Variants in SLC4A5 observed in about 807,000 individuals in gnomAD.
SLC4A5 encodes solute carrier family 4 member 5.
In SLC4A5, 96 loss-of-function variants were observed where a neutral mutation model predicts 120.4. The ratio of observed to expected loss-of-function variants is 0.80; its 90% CI spans 0.68 to 0.94. The LOEUF is 0.94. SLC4A5 is among the 40% of genes least tolerant of loss of function. The pLI is 0.00. For missense variants in SLC4A5, 1,259 were observed against 1,459.5 expected, an observed-to-expected ratio of 0.86 and a Z score of 2.24; for synonymous variants, 550 against 571.1, an observed-to-expected ratio of 0.96 and a Z score of 0.53.
intron 5 of SLC4A5, among the ~76,000 whole-genome samples, chr2:74,315,482 T>C (rs1672940137): frequency 6.7e-6 from 1 of 148,536 alleles, no homozygotes; most frequent in South Asian, 2.1e-4. Flanking sequence ...ATAAACAAAT[T>C]GAAGAATAAT....
exon 24 of SLC4A5, chr2:74,232,584 T>C (rs1488814574): frequency 1.9e-6 from 3 of 1,613,676 alleles, no homozygotes; most frequent in South Asian, 1.1e-5. Flanking sequence ...GGGAGCCCCA[T>C]AAAGGAGCAC....
intron 9 of SLC4A5, among the ~76,000 whole-genome samples, chr2:74,264,821 A>G (rs1218055910): frequency 6.6e-6 from 1 of 152,134 alleles, no homozygotes; most frequent in East Asian, 1.9e-4. Context: ...TTGTCATGGC[A>G]AGAGGTATCT....
intron 5 of SLC4A5, among the ~76,000 whole-genome samples, chr2:74,322,785 A>T (rs2104319603): frequency 6.6e-6 from 1 of 152,232 alleles, no homozygotes; most frequent in African/African-American, 2.4e-5. Flanking sequence ...TGGGAAAAAA[A>T]CTCCTCACAC....
intron 8 of SLC4A5, 87 bp downstream of exon 8, chr2:74,285,686 A>C: frequency 1.3e-6 from 2 of 1,523,132 alleles, no homozygotes; most frequent in African/African-American, 1.4e-5. Context: ...CTCAAGGTAC[A>C]AGGTGCCACT....
At chr2:74,316,642 A>G (rs768383609) in intron 5 of SLC4A5, among the ~76,000 whole-genome samples, 1 of 152,236 alleles carries the variant, frequency 6.6e-6, no homozygotes, top group African/African-American at 2.4e-5. Context: ...ACACGCCTAC[A>G]CTTGAAGAAT....
intron 17 of SLC4A5, among the ~76,000 whole-genome samples, chr2:74,248,863 A>G (rs1318741446): frequency 6.6e-6 from 1 of 152,194 alleles, no homozygotes; most frequent in Non-Finnish European, 1.5e-5. Flanking sequence ...TCATTTATTC[A>G]AAGTCCGCTG....
chr2:74,332,365 C>A (rs1673384355), intron 4 of SLC4A5, among the ~76,000 whole-genome samples: 1 of 152,182 alleles, frequency 6.6e-6, no homozygotes, highest in African/African-American at 2.4e-5. Flanking sequence ...TGTTGGGACT[C>A]TTAATGGATA....
intron 26 of SLC4A5, chr2:74,227,507 A>C: frequency 6.2e-7 from 1 of 1,611,384 alleles, no homozygotes; most frequent in African/African-American, 1.3e-5. Flanking sequence ...AGGTACAGTG[A>C]AATGCTCACT....
intron 6 of SLC4A5, among the ~76,000 whole-genome samples, chr2:74,313,047 G>GT (rs1672857967): frequency 5.1e-5 from 7 of 138,040 alleles, no homozygotes; most frequent in Non-Finnish European, 6.3e-5. Context: ...CCCCTTTTTG[G>GT]TCTTTTTTTT....
intron 6 of SLC4A5, among the ~76,000 whole-genome samples, chr2:74,308,405 T>TA (rs1672713509): frequency 6.6e-6 from 1 of 152,210 alleles, no homozygotes; most frequent in African/African-American, 2.4e-5. Flanking sequence ...GGCAGTTTTT[T>TA]AAAAAATAGC....
chr2:74,306,230 A>C (rs953148126), intron 6 of SLC4A5, among the ~76,000 whole-genome samples: 1 of 152,078 alleles, frequency 6.6e-6, no homozygotes, highest in African/African-American at 2.4e-5. Context: ...AACATCTCCA[A>C]CTAGAAACAT....
At chr2:74,322,258 T>C (rs1673116956) in intron 5 of SLC4A5, among the ~76,000 whole-genome samples, 1 of 152,150 alleles carries the variant, frequency 6.6e-6, no homozygotes, top group Non-Finnish European at 1.5e-5. Flanking sequence ...GAGGCCTTCC[T>C]AACTGACACA....
intron 20 of SLC4A5, among the ~76,000 whole-genome samples, chr2:74,241,328 C>G (rs1670436671): frequency 6.6e-6 from 1 of 150,830 alleles, no homozygotes; most frequent in Non-Finnish European, 1.5e-5. Context: ...TGCAGTGGTG[C>G]GATCTTGGCT....
intron 3 of SLC4A5, 21 bp from the exon 4 acceptor site, chr2:74,334,198 G>T (rs1232530352): frequency 6.6e-6 from 1 of 152,288 alleles, no homozygotes; most frequent in Non-Finnish European, 1.5e-5. Flanking sequence ...GTGAAAAAAG[G>T]TGAGAGATAT....
At chr2:74,271,022 C>G (rs1671459050) in intron 8 of SLC4A5, among the ~76,000 whole-genome samples, 1 of 152,218 alleles carries the variant, frequency 6.6e-6, no homozygotes, top group African/African-American at 2.4e-5. Flanking sequence ...AGTACATATT[C>G]TACTACACCA....
chr2:74,268,242 A>G (rs1671366271), intron 8 of SLC4A5, among the ~76,000 whole-genome samples: 1 of 152,250 alleles, frequency 6.6e-6, no homozygotes, highest in South Asian at 2.1e-4. Context: ...TAAAAAAAGA[A>G]GAAAGCAAAG....
intron 7 of SLC4A5, among the ~76,000 whole-genome samples, chr2:74,298,630 A>C (rs1672395716): frequency 6.6e-6 from 1 of 152,206 alleles, no homozygotes; most frequent in South Asian, 2.1e-4. Context: ...ACAAAATGAA[A>C]AGGCAACCCA....
At chr2:74,222,480 G>C (rs1236586940) in intron 29 of SLC4A5, among the ~76,000 whole-genome samples, 1 of 152,210 alleles carries the variant, frequency 6.6e-6, no homozygotes, top group Non-Finnish European at 1.5e-5. Context: ...CCATGGAACA[G>C]TAGCAGAACC....
chr2:74,227,399 T>A (rs147576970), intron 26 of SLC4A5: 3 of 1,417,236 alleles, frequency 2.1e-6, no homozygotes, highest in Non-Finnish European at 1.9e-6. Context: ...TGCAAGTTAA[T>A]TGTAACACAA....
Sources: allele counts gnomAD v4.1 joint callset (sites outside exome capture counted in the v4.1 genomes callset), GRCh38; gene constraint gnomAD v4.1.1; transcripts MANE v1.5; gene names NCBI Gene and HGNC (gene_info 2026-07-23, HGNC 2026-07-21).